Variants in MICU1 observed in about 807,000 individuals in gnomAD.
MICU1 encodes the protein calcium uptake protein 1, mitochondrial.
In MICU1, 45 loss-of-function variants were observed where a neutral mutation model predicts 56.8. The ratio of observed to expected loss-of-function variants is 0.79; its 90% CI spans 0.62 to 1.02. The LOEUF is 1.02. Ranked by LOEUF, MICU1 falls within the 50% of genes least tolerant of loss-of-function variation. MICU1 has a pLI of 0.00. For missense variants in MICU1, 504 were observed against 587.1 expected (o/e 0.86, Z 1.46); for synonymous variants, 186 against 195.1 (o/e 0.95, Z 0.39).
rs377091041 is a variant in MICU1, at chr10:72,459,027, C to A, written c.933+16073G>T. On this transcript the variant is annotated intron_variant, in intron 8 of 11. Coordinates refer to ENST00000361114, the MANE Select transcript of MICU1 (RefSeq NM_001195518.2). ...TACAGGCATGAGCCACTGCACCTAG[C>A]CTTCATTAAAAAAGAAACCTAGACT... 6.6e-5 allele frequency among the ~76,000 whole-genome samples: 10 copies of A among 152,114 alleles called. No individual in the cohort carries two copies. The East Asian group carries it at 1.9e-3, about 30-fold the overall frequency.
chr10:72,443,519 C>T (rs1328627130), intron 8 of MICU1, among the ~76,000 whole-genome samples: 3 of 152,106 alleles, frequency 2.0e-5, no homozygotes, highest in Non-Finnish European at 2.9e-5. Flanking sequence ...ACGTTTAAGT[C>T]TTTAATCCAT....
At chr10:72,597,175 A>T (rs976934952) in intron 1 of MICU1, among the ~76,000 whole-genome samples, 1 of 152,202 alleles carries the variant, frequency 6.6e-6, no homozygotes, top group African/African-American at 2.4e-5. Context: ...TCATTTATCC[A>T]GATTCTATCA....
intron 3 of MICU1, among the ~76,000 whole-genome samples, chr10:72,557,006 C>T (rs1013318246): frequency 6.6e-6 from 1 of 151,734 alleles, no homozygotes; most frequent in Non-Finnish European, 1.5e-5. Context: ...GCGGAGGATG[C>T]AGTGAGCAGA....
chr10:72,509,512 TA>T, intron 5 of MICU1: 1 of 859,032 alleles, frequency 1.2e-6, no homozygotes, highest in South Asian at 1.4e-5. Context: ...ATCTTCTCAA[TA>T]AACTCATTCA....
intron 1 of MICU1, among the ~76,000 whole-genome samples, chr10:72,584,137 T>C (rs1315120648): frequency 6.6e-6 from 1 of 152,206 alleles, no homozygotes; most frequent in East Asian, 1.9e-4. Context: ...CAGGTCAACA[T>C]TCCACAGTAC....
At chr10:72,592,421 C>T (rs1037890355) in intron 1 of MICU1, among the ~76,000 whole-genome samples, 9 of 152,126 alleles carry the variant, frequency 5.9e-5, no homozygotes, top group Admixed American at 3.9e-4. Flanking sequence ...TAACACCAAT[C>T]CTACTAAGAA....
At chr10:72,476,711 G>T (rs1349535806) in intron 7 of MICU1, among the ~76,000 whole-genome samples, 1 of 152,162 alleles carries the variant, frequency 6.6e-6, no homozygotes, top group Non-Finnish European at 1.5e-5. Context: ...TCCAATGGCA[G>T]TAGTTCTATG....
chr10:72,614,004 G>A (rs931083200), intron 1 of MICU1, among the ~76,000 whole-genome samples: 6 of 152,076 alleles, frequency 3.9e-5, no homozygotes, highest in African/African-American at 1.4e-4. Context: ...AAAATTAGCT[G>A]GGCGTGGTGG....
At chr10:72,431,244 C>T (rs1214626328) in intron 8 of MICU1, among the ~76,000 whole-genome samples, 3 of 152,080 alleles carry the variant, frequency 2.0e-5, no homozygotes, top group Non-Finnish European at 4.4e-5. Context: ...GATTCTCATG[C>T]CTCAGCCTCC....
intron 6 of MICU1, among the ~76,000 whole-genome samples, chr10:72,499,960 G>A (rs1346118248): frequency 2.6e-5 from 4 of 151,850 alleles, no homozygotes; most frequent in Non-Finnish European, 5.9e-5. Context: ...TATCTCAAAA[G>A]GCTTGTATAT....
chr10:72,581,448 G>A (rs1245250999), intron 1 of MICU1, among the ~76,000 whole-genome samples: 2 of 152,142 alleles, frequency 1.3e-5, no homozygotes, highest in African/African-American at 4.8e-5. Flanking sequence ...GGCCAACATG[G>A]TGAAACCCTG....
At chr10:72,556,007 C>T (rs533570390) in intron 3 of MICU1, among the ~76,000 whole-genome samples, 1 of 152,296 alleles carries the variant, frequency 6.6e-6, no homozygotes, top group South Asian at 2.1e-4. Context: ...CCTGTGGACC[C>T]TGATGTCAGA....
intron 4 of MICU1, among the ~76,000 whole-genome samples, chr10:72,550,907 T>C (rs1840019446): frequency 6.6e-6 from 1 of 152,242 alleles, no homozygotes; most frequent in Non-Finnish European, 1.5e-5. Context: ...GTGTAATGTA[T>C]TGCCTTCGAG....
intron 4 of MICU1, among the ~76,000 whole-genome samples, chr10:72,546,997 G>A (rs1007916236): frequency 2.0e-5 from 3 of 151,406 alleles, no homozygotes; most frequent in African/African-American, 7.3e-5. Flanking sequence ...GTTCACGCCA[G>A]TCTCCTGCCT....
intron 10 of MICU1, among the ~76,000 whole-genome samples, chr10:72,388,253 G>A (rs1032149663): frequency 6.6e-6 from 1 of 152,210 alleles, no homozygotes; most frequent in Non-Finnish European, 1.5e-5. Flanking sequence ...ATTGGAAGGT[G>A]TATCTATATC....
intron 6 of MICU1, among the ~76,000 whole-genome samples, chr10:72,504,876 T>A (rs1867191788): frequency 6.6e-6 from 1 of 152,038 alleles, no homozygotes; most frequent in Admixed American, 6.6e-5. Flanking sequence ...CATGAAAAAA[T>A]GCTCAGTATC....
intron 9 of MICU1, among the ~76,000 whole-genome samples, chr10:72,411,326 CTTTTCTT>C: frequency 6.7e-6 from 1 of 150,132 alleles, no homozygotes; most frequent in Middle Eastern, 3.4e-3. Context: ...AGCTCTTTTA[CTTTTCTT>C]TTTTTTTTTT....
At chr10:72,379,142 G>C (rs1862621933) in intron 10 of MICU1, among the ~76,000 whole-genome samples, 1 of 152,184 alleles carries the variant, frequency 6.6e-6, no homozygotes, top group African/African-American at 2.4e-5. Flanking sequence ...ACTGTCCACA[G>C]AAGGAACAGA....
intron 5 of MICU1, among the ~76,000 whole-genome samples, chr10:72,532,414 T>C (rs973511296): frequency 5.3e-5 from 8 of 152,196 alleles, no homozygotes; most frequent in African/African-American, 1.7e-4. Flanking sequence ...TTGACTACTG[T>C]AGTTAATTTT....
Sources: gnomAD v4.1 joint callset for allele counts (sites outside exome capture counted in the v4.1 genomes callset) on GRCh38, gnomAD v4.1.1 for gene constraint, MANE v1.5 for transcripts, NCBI Gene and HGNC (gene_info 2026-07-23, HGNC 2026-07-21) for gene names.